PREX2: variants seen among roughly 807,000 people sequenced by gnomAD.
PREX2 encodes phosphatidylinositol-3,4,5-trisphosphate dependent Rac exchange factor 2, also known as phosphatidylinositol 3,4,5-trisphosphate-dependent Rac exchanger 2 protein.
In PREX2, 107 loss-of-function variants were observed where a neutral mutation model predicts 203.2. The ratio of observed to expected loss-of-function variants is 0.53; its 90% CI spans 0.45 to 0.62. The LOEUF (loss-of-function observed/expected upper bound fraction) is 0.62. Ranked by LOEUF, PREX2 falls within the 20% of genes least tolerant of loss-of-function variation. PREX2 has a pLI of 0.00. For synonymous variants in PREX2, 672 were observed against 663.6 expected, an observed-to-expected ratio of 1.01 and a Z score of -0.19; for missense variants, 1,777 against 1,955.9, an observed-to-expected ratio of 0.91 and a Z score of 1.72.
intron 23 of PREX2, chr8:68,103,680 G>A (rs747598613): frequency 5.8e-6 from 3 of 519,204 alleles, no homozygotes; most frequent in Non-Finnish European, 1.2e-5. Flanking sequence ...AAAGTCTATT[G>A]ACTATCCTGA....
At chr8:68,037,816 GAA>G (rs1304887402) in intron 6 of PREX2, among the ~76,000 whole-genome samples, 1 of 152,120 alleles carries the variant, frequency 6.6e-6, no homozygotes, top group African/African-American at 2.4e-5. Context: ...AGAGAACAAA[GAA>G]AGAGAAATTA....
intron 1 of PREX2, among the ~76,000 whole-genome samples, chr8:67,991,888 A>G (rs1019417683): frequency 2.6e-5 from 4 of 152,244 alleles, no homozygotes; most frequent in Non-Finnish European, 5.9e-5. Flanking sequence ...AAATAACCTA[A>G]TAAAGCTATA....
At chr8:67,974,196 G>C (rs1806004417) in intron 1 of PREX2, among the ~76,000 whole-genome samples, 1 of 152,130 alleles carries the variant, frequency 6.6e-6, no homozygotes, top group Non-Finnish European at 1.5e-5. Context: ...AAGATAATGT[G>C]AATTATAGGA....
Position 68,093,702 on chromosome 8 carries a change from C to G in PREX2, c.2348C>G (p.Ala783Gly), listed in dbSNP as rs1344880475. Residue 783 changes from alanine (A) to glycine (G), a missense_variant, in exon 21 of 40, where the codon GCT becomes GGT. Transcript: ENST00000288368. ...SKPPGDEAGD[A>G]FDCKVEEVID... is the part of the protein sequence containing the mutation. ...CCCCCTGGAGATGAAGCAGGGGATG[C>G]TTTTGACTGTAAAGTAGAAGGTAGG... is the stretch of plus-strand genomic sequence containing the variant. 5.7e-6 allele frequency: 9 copies of G among 1,589,352 alleles called. No homozygotes were observed. The highest frequency in any genetic ancestry group is 8.6e-7 in the Non-Finnish European group (1 of 1,159,350).
chr8:68,075,471 A>T (rs2053141), intron 14 of PREX2, among the ~76,000 whole-genome samples: 109,965 of 151,770 alleles, frequency 0.72, 39,907 homozygotes, highest in African/African-American at 0.76. Context: ...CAGCGTCATC[A>T]CCCCCAGGAA....
chr8:68,005,348 A>G (rs948446261), intron 1 of PREX2, among the ~76,000 whole-genome samples: 14 of 152,146 alleles, frequency 9.2e-5, no homozygotes, highest in Non-Finnish European at 5.9e-5. Flanking sequence ...TTTCAGTGGA[A>G]ACCTAGGTGG....
At position 68,077,469 on chromosome 8, in the gene PREX2, G is replaced by C; in HGVS notation, c.1642G>C (p.Val548Leu). ...CTGTGACAATGGATTTATGCACCATGGTAGGGATTTTTTACCCTGGGAGCT... is the reference window on the plus strand; with the variant it reads ...CTGTGACAATGGATTTATGCACCATCGTAGGGATTTTTTACCCTGGGAGCT... ...GLCDNGFMHH[V>L]LEKSEFKDEP... Residue 548 changes from valine (V) to leucine (L), a missense_variant and splice_region_variant, in exon 15 of 40, where the codon GTC becomes CTC. Physicochemically the swap from Val to Leu is conservative, Grantham distance 32. Transcript: ENST00000288368. The C allele has an allele frequency of 6.2e-7, 1 of 1,608,154 alleles. No individual in the cohort carries two copies. The highest frequency in any genetic ancestry group is 2.2e-5 in the East Asian group (1 of 44,818).
At chr8:68,013,735 G>A (rs533626952) in intron 1 of PREX2, among the ~76,000 whole-genome samples, 1 of 152,150 alleles carries the variant, frequency 6.6e-6, no homozygotes, top group African/African-American at 2.4e-5. Flanking sequence ...AGTGGAGTCT[G>A]TCTTAAATTT....
intron 1 of PREX2, among the ~76,000 whole-genome samples, chr8:67,960,067 A>G (rs1805592942): frequency 6.6e-6 from 1 of 151,666 alleles, no homozygotes; most frequent in Non-Finnish European, 1.5e-5. Context: ...TAATTTATTG[A>G]TCTCACTCTA....
chr8:68,147,328 G>A (rs1044471088), intron 34 of PREX2, among the ~76,000 whole-genome samples: 1 of 152,122 alleles, frequency 6.6e-6, no homozygotes, highest in African/African-American at 2.4e-5. Context: ...ACCATGATAT[G>A]GTTTGGCTGT....
At chr8:68,123,415 C>CA (rs1563556142) in intron 30 of PREX2, among the ~76,000 whole-genome samples, 1 of 151,546 alleles carries the variant, frequency 6.6e-6, no homozygotes, top group Non-Finnish European at 1.5e-5. Flanking sequence ...GATTGAGATA[C>CA]AAAAAACCAT....
At chr8:68,007,966 GATACCATATTACTCTTATCTTAC>G in intron 1 of PREX2, among the ~76,000 whole-genome samples, 1 of 152,280 alleles carries the variant, frequency 6.6e-6, no homozygotes, top group East Asian at 1.9e-4. Context: ...TATAGGAGTA[GATACCATATTACTCTTATCTTAC>G]AAATATGGAA....
At chr8:68,147,541 C>T (rs1311902051) in intron 34 of PREX2, among the ~76,000 whole-genome samples, 2 of 152,190 alleles carry the variant, frequency 1.3e-5, no homozygotes, top group Non-Finnish European at 2.9e-5. Context: ...TTGCCCTTCA[C>T]CTTCCACTAT....
intron 1 of PREX2, among the ~76,000 whole-genome samples, chr8:67,976,001 T>C (rs931797871): frequency 3.3e-5 from 5 of 151,524 alleles, no homozygotes; most frequent in Non-Finnish European, 5.9e-5. Flanking sequence ...CAGGCGTGAG[T>C]CACTATGCCT....
At chr8:68,098,255 C>T (rs1810145552) in intron 22 of PREX2, among the ~76,000 whole-genome samples, 2 of 152,170 alleles carry the variant, frequency 1.3e-5, no homozygotes, top group South Asian at 4.1e-4. Context: ...AGCTTTCCTA[C>T]CTTTATGTCT....
At chr8:68,089,307 C>T (rs1809795819) in intron 19 of PREX2, among the ~76,000 whole-genome samples, 1 of 152,088 alleles carries the variant, frequency 6.6e-6, no homozygotes, top group African/African-American at 2.4e-5. Flanking sequence ...AAAATGTGTC[C>T]TTGATCAGTT....
At chr8:68,061,733 G>T (rs979791299) in intron 11 of PREX2, among the ~76,000 whole-genome samples, 2 of 152,210 alleles carry the variant, frequency 1.3e-5, no homozygotes. Flanking sequence ...TGTGGACCGT[G>T]TAGGCCAGCC....
intron 39 of PREX2, among the ~76,000 whole-genome samples, chr8:68,226,408 C>T (rs980887529): frequency 6.6e-6 from 1 of 152,124 alleles, no homozygotes; most frequent in African/African-American, 2.4e-5. Context: ...GGATCTCTCC[C>T]AGCTGAGAAC....
chr8:68,048,374 CAGAGGGCA>C (rs2129611001), intron 8 of PREX2, among the ~76,000 whole-genome samples: 1 of 152,084 alleles, frequency 6.6e-6, no homozygotes, highest in African/African-American at 2.4e-5. Flanking sequence ...TATGGTAGGA[CAGAGGGCA>C]AGAATGTTGA....
Sources: gnomAD v4.1 joint callset for allele counts (sites outside exome capture counted in the v4.1 genomes callset) on GRCh38, gnomAD v4.1.1 for gene constraint, MANE v1.5 for transcripts, NCBI Gene and HGNC (gene_info 2026-07-23, HGNC 2026-07-21) for gene names.